The following WDR75 variants were observed in gnomAD, a reference collection of about 807,000 sequenced individuals.
The protein encoded by WDR75 is WD repeat-containing protein 75.
Under a neutral mutation model 106.1 loss-of-function variants are expected in WDR75, and 52 were observed. The observed-to-expected ratio is 0.49, with a 90% CI of 0.39 to 0.62. The LOEUF (loss-of-function observed/expected upper bound fraction) is 0.62. Ranked by LOEUF, WDR75 falls within the 20% of genes least tolerant of loss-of-function variation. WDR75 has a pLI of 0.00. For missense variants in WDR75, 905 were observed against 970.3 expected (o/e 0.93, Z 0.89); for synonymous variants, 333 against 335.5 (o/e 0.99, Z 0.08).
At chr2:189,465,009 T>C (rs112548824) in intron 11 of WDR75, 70 bp from the exon 12 acceptor site, 2 of 1,164,984 alleles carry the variant, frequency 1.7e-6, no homozygotes, top group Admixed American at 5.0e-5. Flanking sequence ...TTATCATTTC[T>C]TGAATGCTGT....
In WDR75 at chr2:189,455,382, G is replaced by T; in HGVS notation, c.436G>T (p.Glu146Ter). 1 of 1,614,138 alleles carries T rather than the reference G, an allele frequency of 6.2e-7. No homozygotes were observed. Among genetic ancestry groups the T allele is most frequent in the East Asian group, 2.2e-5 (1 of 44,874 alleles). The change falls in exon 5 of 21, where the codon GAG (glutamate) becomes TAG (stop). Residue 146 changes from glutamate to a stop codon, truncating the protein, a stop_gained. Transcript: ENST00000314761. LOFTEE classifies it high-confidence loss of function. ...CTCAAGCCAGGAAGTAGAAGCCAAG[G>T]AGCTGTCCTTTGTTTTGGATTACAT... ...KSSSQEVEAK[E>*]LSFVLDYINQ...
At chr2:189,458,182 G>A (rs1433755330) in intron 6 of WDR75, among the ~76,000 whole-genome samples, 3 of 151,922 alleles carry the variant, frequency 2.0e-5, no homozygotes, top group African/African-American at 4.8e-5. Flanking sequence ...CTCAGCCTCC[G>A]AAAGTGCTGG....
intron 6 of WDR75, 29 bp from the exon 7 acceptor site, chr2:189,458,724 T>G: frequency 6.6e-7 from 1 of 1,513,204 alleles, no homozygotes; most frequent in South Asian, 1.4e-5. Context: ...CTTTAATAAT[T>G]AAGGGAATTT....
intron 19 of WDR75, 68 bp downstream of exon 19, chr2:189,474,400 A>T: frequency 6.6e-7 from 1 of 1,520,376 alleles, no homozygotes; most frequent in Non-Finnish European, 8.9e-7. Flanking sequence ...TGGAGTTTTG[A>T]CACAGTCAAT....
chr2:189,470,685 T>C, intron 17 of WDR75, 134 bp from the exon 18 acceptor site: 1 of 493,434 alleles, frequency 2.0e-6, no homozygotes, highest in South Asian at 5.5e-5. Context: ...TTAAATCTTT[T>C]ATTCCTTTTC....
At position 189,451,812 on chromosome 2, in the gene WDR75, T is replaced by G; in HGVS notation, c.290T>G (p.Ile97Arg). The G allele has an allele frequency of 1.9e-6, 3 of 1,613,520 alleles. No homozygotes were observed. The highest frequency in any genetic ancestry group is 2.5e-6 in the Non-Finnish European group (3 of 1,179,666). Residue 97 changes from isoleucine to arginine, a missense_variant, in exon 4 of 21, where the codon ATA (isoleucine) becomes AGA (arginine). Physicochemically the swap from Ile to Arg is moderately conservative, Grantham distance 97. Coordinates refer to ENST00000314761, the MANE Select transcript of WDR75 (RefSeq NM_032168.3). ...GTGCTCTTTATCTTTCAGACTTTCA[T>G]AGTTGGATGTAAACTTCATGCCCTC... ...YIDGILIKTF[I>R]VGCKLHALFT...
rs895147853 is a variant in WDR75 at position 189,458,970 on chromosome 2, C to A, written c.689+98C>A. On this transcript the variant is annotated intron_variant, in intron 7 of 20. Transcript: ENST00000314761. ...CTCTGGGTCCCAAGAAACAGCCTCC[C>A]TTTCCTTTTTTGTGTGCTTTTCATT... 5 of 1,354,952 alleles carry A rather than the reference C, an allele frequency of 3.7e-6. No individual in the cohort carries two copies. The African/African-American group carries it at 7.6e-5, about 20-fold the overall frequency. 83.9% of individuals were successfully genotyped at this position (1,354,952 alleles called of 1,614,324 possible).
At position 189,463,698 on chromosome 2, in the gene WDR75, A is replaced by G. The variant is rs778029607; in HGVS notation, c.942A>G (p.Ile314Met). ...LFCTSHSDNK[I>M]IIIHRNLEAS... Reference sequence around the variant, plus strand: ...CCTATTTTTTTCTACCCACAGAGATAATAATTATTCACCGAAACCTTGAAG... The same window carrying G: ...CCTATTTTTTTCTACCCACAGAGATGATAATTATTCACCGAAACCTTGAAG... Residue 314 changes from isoleucine to methionine, a missense_variant, in exon 10 of 21, where the codon ATA becomes ATG. Ile to Met is a conservative substitution (Grantham distance 10). Coordinates refer to ENST00000314761, the MANE Select transcript of WDR75 (RefSeq NM_032168.3). 6.2e-7 allele frequency: 1 copy of G among 1,613,816 alleles called. No individual in the cohort carries two copies. The highest frequency in any genetic ancestry group is 2.2e-5 in the East Asian group (1 of 44,878).
chr2:189,448,610 A>T, intron 2 of WDR75, 102 bp downstream of exon 2: 1 of 1,442,106 alleles, frequency 6.9e-7, no homozygotes, highest in Non-Finnish European at 9.5e-7. Context: ...TATAAGTAAA[A>T]TATTTGCTTA....
At chr2:189,467,231 A>G (rs1025287407) in intron 13 of WDR75, among the ~76,000 whole-genome samples, 1 of 152,058 alleles carries the variant, frequency 6.6e-6, no homozygotes, top group South Asian at 2.1e-4. Flanking sequence ...TAATAATAGA[A>G]TGATTACAAT....
chr2:189,459,982 GT>G (rs1459155668), intron 8 of WDR75, among the ~76,000 whole-genome samples: 8 of 152,230 alleles, frequency 5.3e-5, no homozygotes, highest in African/African-American at 1.9e-4. Context: ...CTCCATCATT[GT>G]TTCATTTAAG....
chr2:189,461,163 A>G (rs573045815), intron 8 of WDR75, among the ~76,000 whole-genome samples: 1 of 152,346 alleles, frequency 6.6e-6, no homozygotes, highest in African/African-American at 2.4e-5. Context: ...CCCCATTATA[A>G]ACCAGTGATC....
rs769631509 is a variant in WDR75 at position 189,469,384 on chromosome 2, C to T, written c.1764C>T (p.Pro588=). Residue 588 remains proline (P), a synonymous_variant, in exon 16 of 21, where the codon CCC becomes CCT. Transcript: ENST00000314761. ...NAKLNVRVME[P]DPNSENIAAI... is the part of the protein sequence containing the mutation. ...AATTAAATGTTAGAGTTATGGAACC[C>T]GATCCTAATTCAGAGAATATTGCTG... 12 of 1,613,402 alleles carry T rather than the reference C, an allele frequency of 7.4e-6. No homozygotes were observed. Among genetic ancestry groups the T allele is most frequent in the Admixed American group, 6.7e-5 (4 of 59,946 alleles).
At chr2:189,445,291 T>C (rs988354139) in intron 1 of WDR75, among the ~76,000 whole-genome samples, 3 of 152,216 alleles carry the variant, frequency 2.0e-5, no homozygotes, top group African/African-American at 7.2e-5. Context: ...TTATTGTTTC[T>C]AATAAGTGAA....
intron 2 of WDR75, chr2:189,450,595 G>A (rs1031559636): frequency 8.8e-7 from 1 of 1,139,124 alleles, no homozygotes; most frequent in Non-Finnish European, 1.1e-6. Context: ...GAGATTACAG[G>A]TGGCAGCCAC....
In WDR75 at chr2:189,475,257, A is replaced by T. The variant is rs1687190593; in HGVS notation, c.2333A>T (p.Glu778Val). The stretch of plus-strand genomic sequence containing the variant: ...GATGTAGATATGGAAGAAGAAAAAG[A>T]AAGTGAAGATTCAGATGAAGAAAAT... ...PEDVDMEEEK[E>V]SEDSDEENDF... The change falls in exon 21 of 21, where the codon GAA (glutamate) becomes GTA (valine). Residue 778 changes from glutamate to valine, a missense_variant. Transcript: ENST00000314761. 1 of 1,613,148 alleles carries T rather than the reference A, an allele frequency of 6.2e-7. No individual in the cohort carries two copies. The highest frequency in any genetic ancestry group is 8.5e-7 in the Non-Finnish European group (1 of 1,179,520).
intron 1 of WDR75, among the ~76,000 whole-genome samples, chr2:189,442,368 A>C (rs1686392811): frequency 6.6e-6 from 1 of 152,102 alleles, no homozygotes; most frequent in African/African-American, 2.4e-5. Context: ...GGCACTTAAT[A>C]AAATCAAAAA....
At chr2:189,443,643 A>C (rs1686433578) in intron 1 of WDR75, among the ~76,000 whole-genome samples, 1 of 152,186 alleles carries the variant, frequency 6.6e-6, no homozygotes, top group African/African-American at 2.4e-5. Context: ...AGAGGGAGTT[A>C]CATAGTCAGT....
At chr2:189,450,330 C>T (rs1308304166) in intron 2 of WDR75, 1 of 982,640 alleles carries the variant, frequency 1.0e-6, no homozygotes, top group Admixed American at 6.4e-5. Context: ...GCAACAAGCT[C>T]TTGTGTGGGT....
Sources: allele counts gnomAD v4.1 joint callset (sites outside exome capture counted in the v4.1 genomes callset), GRCh38; gene constraint gnomAD v4.1.1; transcripts MANE v1.5; gene names NCBI Gene and HGNC (gene_info 2026-07-23, HGNC 2026-07-21).